NOX3: variants seen among roughly 807,000 people sequenced by gnomAD.
The protein encoded by NOX3 is NADPH oxidase catalytic subunit-like 3.
NOX3 carries 74 observed loss-of-function variants against 76.7 expected under a neutral mutation model. That is an observed-to-expected ratio of 0.96 (90% confidence interval 0.80 to 1.17). The LOEUF (loss-of-function observed/expected upper bound fraction) is 1.17, where lower values mean the gene tolerates loss of function less well. NOX3 is among the 50% of genes most tolerant of loss of function. NOX3 has a pLI of 0.00. For synonymous variants in NOX3, 263 were observed against 261.1 expected (o/e 1.01, Z -0.07); for missense variants, 695 against 703.3 (o/e 0.99, Z 0.13).
chr6:155,452,476 C>A (rs1395375760), intron 4 of NOX3, among the ~76,000 whole-genome samples: 2 of 152,160 alleles, frequency 1.3e-5, no homozygotes, highest in African/African-American at 2.4e-5. Flanking sequence ...CAAAGCAGTT[C>A]TCAGGTTGGT....
intron 9 of NOX3, among the ~76,000 whole-genome samples, chr6:155,423,595 C>T (rs1776718773): frequency 6.6e-6 from 1 of 152,126 alleles, no homozygotes; most frequent in African/African-American, 2.4e-5. Context: ...TTTTCCATCA[C>T]TCATCACTGG....
chr6:155,395,861 AC>A (rs1445632251), intron 13 of NOX3, among the ~76,000 whole-genome samples: 1 of 152,178 alleles, frequency 6.6e-6, no homozygotes, highest in Non-Finnish European at 1.5e-5. Context: ...TGTTAAGAAG[AC>A]CACAGACCAA....
At chr6:155,417,739 A>G (rs959641919) in intron 10 of NOX3, among the ~76,000 whole-genome samples, 8 of 152,226 alleles carry the variant, frequency 5.3e-5, no homozygotes, top group African/African-American at 1.9e-4. Context: ...TTCATTCACT[A>G]GAAAAGAGAG....
At chr6:155,426,982 G>GGTGTGT (rs1776762589) in intron 9 of NOX3, among the ~76,000 whole-genome samples, 2 of 78,866 alleles carry the variant, frequency 2.5e-5, no homozygotes, top group African/African-American at 5.3e-5. Context: ...TAGACACTGT[G>GGTGTGT]GCGTGTGTGT....
chr6:155,441,241 A>G (rs188939419), intron 5 of NOX3, among the ~76,000 whole-genome samples: 8 of 152,292 alleles, frequency 5.3e-5, no homozygotes, highest in Admixed American at 5.2e-4. Context: ...TTTTGTCAGT[A>G]AAATCTCATT....
At position 155,433,326 on chromosome 6, in the gene NOX3, T is replaced by C. The variant is rs1266763712; in HGVS notation, c.799-2391A>G. 2.0e-5 allele frequency among the ~76,000 whole-genome samples: 3 copies of C among 152,062 alleles called. No individual in the cohort carries two copies. In the East Asian group the frequency reaches 5.8e-4, roughly 29 times the overall value. ...AGGGAGAGATGGCCAGGGATGAATATTAGGAAACTGTCCTTGCAGTGATAC... is the reference window on the plus strand; with the variant it reads ...AGGGAGAGATGGCCAGGGATGAATACTAGGAAACTGTCCTTGCAGTGATAC... On this transcript the variant is annotated intron_variant, in intron 7 of 13. Transcript: ENST00000159060.
At chr6:155,438,423 T>C (rs1484267335) in intron 6 of NOX3, among the ~76,000 whole-genome samples, 1 of 152,202 alleles carries the variant, frequency 6.6e-6, no homozygotes, top group African/African-American at 2.4e-5. Context: ...ACCCGGTTAC[T>C]AAGGCTCAGC....
Position 155,436,410 on chromosome 6 carries a change from A to T in NOX3, c.798+8T>A. On this transcript the variant is annotated splice_region_variant and intron_variant, in intron 7 of 13. Coordinates refer to ENST00000159060, the MANE Select transcript of NOX3 (RefSeq NM_015718.3). ...TTTATTTTTAAAAGCTCCTGGGTTC[A>T]TTCTTACCGAGGGTTCCTTGCCAGA... 1 of 1,613,972 alleles carries T rather than the reference A, an allele frequency of 6.2e-7. No homozygotes were observed. Among genetic ancestry groups the T allele is most frequent in the Non-Finnish European group, 8.5e-7 (1 of 1,179,886 alleles).
At chr6:155,423,625 T>C (rs1014745680) in intron 9 of NOX3, among the ~76,000 whole-genome samples, 1 of 152,202 alleles carries the variant, frequency 6.6e-6, no homozygotes, top group African/African-American at 2.4e-5. Context: ...TGGTGAGATA[T>C]TAATATTCTT....
intron 6 of NOX3, among the ~76,000 whole-genome samples, chr6:155,438,705 G>A (rs1018551849): frequency 1.3e-5 from 2 of 152,232 alleles, no homozygotes; most frequent in Admixed American, 1.3e-4. Flanking sequence ...GAGTCACCAA[G>A]GCAGGTGTGA....
rs61040526 is a variant in NOX3 at position 155,445,981 on chromosome 6, CTA to C, written c.341-2565_341-2564del. On this transcript the variant is annotated intron_variant, in intron 4 of 13. Transcript: ENST00000159060. ...GCTATATATATATAATATATATATG[CTA>C]TATATATATATATAATATATATATA... 5.4e-4 allele frequency among the ~76,000 whole-genome samples: 56 copies of C among 104,202 alleles called. 4 individuals are homozygous for C. The highest frequency in any genetic ancestry group is 1.1e-3 in the Admixed American group (12 of 10,590). 68.4% of individuals were successfully genotyped at this position (104,202 alleles called of 152,430 possible). A position where few individuals can be genotyped will look rare whatever the true frequency, so the allele number is the denominator to read the frequency against.
At chr6:155,436,324 G>C in intron 7 of NOX3, 94 bp downstream of exon 7, 1 of 1,408,730 alleles carries the variant, frequency 7.1e-7, no homozygotes, top group Non-Finnish European at 1.0e-6. Flanking sequence ...TTTGTCTAGT[G>C]GTGAAATGTG....
intron 7 of NOX3, among the ~76,000 whole-genome samples, chr6:155,432,675 C>G (rs1396460660): frequency 1.3e-5 from 2 of 152,126 alleles, no homozygotes; most frequent in African/African-American, 2.4e-5. Context: ...CCTGGGGGGG[C>G]TCTTGGCCTC....
In NOX3 at chr6:155,454,915, G is replaced by C. The variant is rs754335330; in HGVS notation, c.151C>G (p.Leu51Val). ...AGTGCGGATGCTCGTGCCCAAGCCA[G>C]TGTTGACTGTCCACATGTAAAGACA... ...HYTRVILGST[L>V]AWARASALCL... The change falls in exon 3 of 14, where the codon CTG becomes GTG. Residue 51 changes from leucine (L) to valine (V), a missense_variant. Transcript: ENST00000159060. 3 of 1,609,936 alleles carry C rather than the reference G, an allele frequency of 1.9e-6. No homozygotes were observed. Among genetic ancestry groups the C allele is most frequent in the Non-Finnish European group, 2.5e-6 (3 of 1,177,630 alleles).
chr6:155,413,043 G>A (rs948703559), intron 10 of NOX3, among the ~76,000 whole-genome samples: 1 of 152,160 alleles, frequency 6.6e-6, no homozygotes, highest in African/African-American at 2.4e-5. Flanking sequence ...GGCCTCTTGT[G>A]TTCACTTTTA....
chr6:155,430,940 A>G lies in NOX3; in HGVS notation c.799-5T>C, dbSNP rs1286085237. On this transcript the variant is annotated splice_polypyrimidine_tract_variant and splice_region_variant and intron_variant, in intron 7 of 13. Coordinates refer to ENST00000159060, the MANE Select transcript of NOX3 (RefSeq NM_015718.3). ...GCCTAAAATCCATTTCCAAGCCTGA[A>G]GAGAGTAGCAGAGAGAGAGAGAAAA... 1 of 1,499,100 alleles carries G rather than the reference A, an allele frequency of 6.7e-7. No homozygotes were observed. The highest frequency in any genetic ancestry group is 9.2e-7 in the Non-Finnish European group (1 of 1,083,158). The allele number at this position is 1,499,100 out of a possible 1,614,324, so 92.9% of individuals were successfully genotyped here.
At chr6:155,413,626 A>T (rs1776583860) in intron 10 of NOX3, among the ~76,000 whole-genome samples, 1 of 151,884 alleles carries the variant, frequency 6.6e-6, no homozygotes. Context: ...AATCTAAATT[A>T]CTCTTTGAAA....
chr6:155,453,428 C>G lies in NOX3; in HGVS notation c.316G>C (p.Ala106Pro). 1 of 1,613,470 alleles carries G rather than the reference C, an allele frequency of 6.2e-7. No homozygotes were observed. The highest frequency in any genetic ancestry group is 2.2e-5 in the East Asian group (1 of 44,860). Reference protein sequence around the residue: ...DKNLRFHKLVAYGIAVNATIH... With the variant: ...DKNLRFHKLVPYGIAVNATIH... ...CTTGCATTAACAGCTATCCCATAGG[C>G]GACCAGTTTGTGAAATCTGAGGTTT... Residue 106 changes from alanine (A) to proline (P), a missense_variant, in exon 4 of 14, where the codon GCC becomes CCC. Coordinates refer to ENST00000159060, the MANE Select transcript of NOX3 (RefSeq NM_015718.3).
intron 12 of NOX3, among the ~76,000 whole-genome samples, chr6:155,406,842 A>C (rs983040982): frequency 6.6e-6 from 1 of 152,230 alleles, no homozygotes; most frequent in African/African-American, 2.4e-5. Context: ...TTAGAGATCA[A>C]CTGTACCCAC....
Sources: gnomAD v4.1 joint callset for allele counts (sites outside exome capture counted in the v4.1 genomes callset) on GRCh38, gnomAD v4.1.1 for gene constraint, MANE v1.5 for transcripts, NCBI Gene and HGNC (gene_info 2026-07-23, HGNC 2026-07-21) for gene names.